The following SPSB1 variants were observed in gnomAD, a reference collection of about 807,000 sequenced individuals.
SPSB1 encodes SPRY domain-containing SOCS box protein 1.
A neutral mutation model predicts 21.2 loss-of-function variants in SPSB1; 8 were observed. The ratio of observed to expected loss-of-function variants is 0.38; its 90% CI spans 0.22 to 0.68. The LOEUF is 0.68. Ranked by LOEUF, SPSB1 falls within the 30% of genes least tolerant of loss-of-function variation. The probability of loss-of-function intolerance (pLI) is 0.53; values close to 1 mark genes in which losing one functional copy is unlikely to be tolerated. For synonymous variants in SPSB1, 169 were observed against 161.7 expected (o/e 1.05, Z -0.34); for missense variants, 242 against 377.8 (o/e 0.64, Z 2.98).
At chr1:9,314,175 C>CAA (rs58276325) in intron 1 of SPSB1, among the ~76,000 whole-genome samples, 5,319 of 138,106 alleles carry the variant, frequency 0.039, 124 homozygotes, top group African/African-American at 0.048. Context: ...GACTCTATCT[C>CAA]AAAAAAAAAA....
intron 1 of SPSB1, among the ~76,000 whole-genome samples, chr1:9,295,674 C>T (rs112042224): frequency 2.0e-5 from 3 of 152,172 alleles, no homozygotes; most frequent in African/African-American, 7.2e-5. Context: ...CCAGCGCTGC[C>T]CTCCCACCCC....
chr1:9,333,944 T>C (rs190595373), intron 1 of SPSB1, among the ~76,000 whole-genome samples: 2 of 152,266 alleles, frequency 1.3e-5, no homozygotes, highest in African/African-American at 4.8e-5. Flanking sequence ...TCCTTCTCAT[T>C]TTTTTGCTTT....
intron 2 of SPSB1, among the ~76,000 whole-genome samples, chr1:9,366,302 G>T (rs548551698): frequency 6.6e-6 from 1 of 152,350 alleles, no homozygotes; most frequent in South Asian, 2.1e-4. Flanking sequence ...GTTTCCTGGG[G>T]CCTGAGCTTG....
intron 1 of SPSB1, among the ~76,000 whole-genome samples, chr1:9,344,279 AAC>A (rs1260107221): frequency 6.6e-6 from 1 of 152,210 alleles, no homozygotes; most frequent in African/African-American, 2.4e-5. Context: ...CAGAAAGTCT[AAC>A]GGGATCAGGA....
intron 2 of SPSB1, among the ~76,000 whole-genome samples, chr1:9,357,272 G>C (rs540561558): frequency 5.5e-5 from 5 of 91,036 alleles, no homozygotes; most frequent in Admixed American, 1.0e-4. Context: ...TGGGTAGATG[G>C]ATGGATGGAT....
chr1:9,308,794 G>A (rs945966109), intron 1 of SPSB1, among the ~76,000 whole-genome samples: 3 of 152,288 alleles, frequency 2.0e-5, no homozygotes, highest in African/African-American at 7.2e-5. Flanking sequence ...GATGCTGGAA[G>A]GTGGGCCTGA....
At chr1:9,314,711 G>C (rs1639581787) in intron 1 of SPSB1, among the ~76,000 whole-genome samples, 1 of 152,198 alleles carries the variant, frequency 6.6e-6, no homozygotes, top group African/African-American at 2.4e-5. Flanking sequence ...TGTCAGACTT[G>C]AATTACCTTA....
intron 1 of SPSB1, among the ~76,000 whole-genome samples, chr1:9,313,236 A>T (rs1443707924): frequency 6.6e-6 from 1 of 151,976 alleles, no homozygotes; most frequent in East Asian, 1.9e-4. Flanking sequence ...GTCTCTACTA[A>T]AAAAATACAA....
intron 1 of SPSB1, among the ~76,000 whole-genome samples, chr1:9,318,318 G>A (rs1167008133): frequency 2.0e-5 from 3 of 152,208 alleles, no homozygotes; most frequent in Admixed American, 1.3e-4. Context: ...TGTTCTCTCC[G>A]GCCTCTGCCT....
chr1:9,350,951 G>C (rs1254873614), intron 1 of SPSB1, among the ~76,000 whole-genome samples: 1 of 152,242 alleles, frequency 6.6e-6, no homozygotes, highest in Non-Finnish European at 1.5e-5. Flanking sequence ...AGGGATGTCT[G>C]TCTTGGTCCA....
rs979990392 is a variant in SPSB1, at chr1:9,293,632, G to T, written c.-150+561G>T. 6.6e-6 allele frequency among the ~76,000 whole-genome samples: 1 copy of T among 152,158 alleles called. No homozygotes were observed. The highest frequency in any genetic ancestry group is 2.4e-5 in the African/African-American group (1 of 41,448). On this transcript the variant is annotated intron_variant, in intron 1 of 2. Coordinates refer to ENST00000328089, the MANE Select transcript of SPSB1 (RefSeq NM_025106.4). The surrounding 1 kb of genome is among the most constrained non-coding windows in gnomAD (Gnocchi z 5.1). ...CCGCCCTCCCCGCCGCCCCGGAGCC[G>T]CCGCGGCTTCTCCCAGCAGCGGAGG... is the stretch of plus-strand genomic sequence containing the variant.
At chr1:9,298,066 T>C (rs1007750118) in intron 1 of SPSB1, among the ~76,000 whole-genome samples, 2 of 152,082 alleles carry the variant, frequency 1.3e-5, no homozygotes, top group Admixed American at 1.3e-4. Flanking sequence ...GCAAGGTGAG[T>C]GTGGTTACCT....
At chr1:9,297,652 G>T (rs948130116) in intron 1 of SPSB1, among the ~76,000 whole-genome samples, 1 of 152,142 alleles carries the variant, frequency 6.6e-6, no homozygotes, top group Non-Finnish European at 1.5e-5. Context: ...AGCTCAGGGG[G>T]TTAAGAAGAG....
chr1:9,348,364 G>A lies in SPSB1; in HGVS notation c.-149-7379G>A, dbSNP rs1429874670. ...AAGCAAACCGTGGCTGTATCCAGAAGGCGCTCTCTGACCACAGGGACCTGC... is the reference window on the plus strand; with the variant it reads ...AAGCAAACCGTGGCTGTATCCAGAAAGCGCTCTCTGACCACAGGGACCTGC... On this transcript the variant is annotated intron_variant, in intron 1 of 2. Coordinates refer to ENST00000328089, the MANE Select transcript of SPSB1 (RefSeq NM_025106.4). This position sits in a 1 kb window ranked among gnomAD's most constrained non-coding sequence, Gnocchi z 4.8. Among the ~76,000 whole-genome samples, 4 of 151,988 alleles carry A rather than the reference G, an allele frequency of 2.6e-5. No individual in the cohort carries two copies. Among genetic ancestry groups the A allele is most frequent in the African/African-American group, 9.7e-5 (4 of 41,364 alleles).
At chr1:9,328,035 C>T (rs1048118238) in intron 1 of SPSB1, among the ~76,000 whole-genome samples, 3 of 152,192 alleles carry the variant, frequency 2.0e-5, no homozygotes, top group South Asian at 2.1e-4. Context: ...GGGAGGATTT[C>T]GAGGGCCATG....
intron 1 of SPSB1, among the ~76,000 whole-genome samples, chr1:9,328,465 C>T (rs1034941712): frequency 6.6e-6 from 1 of 152,232 alleles, no homozygotes; most frequent in Non-Finnish European, 1.5e-5. Context: ...CCAGCTCAGA[C>T]ATGATTTCAA....
intron 2 of SPSB1, among the ~76,000 whole-genome samples, chr1:9,364,222 A>G (rs1212481978): frequency 6.6e-6 from 1 of 152,172 alleles, no homozygotes; most frequent in Non-Finnish European, 1.5e-5. Flanking sequence ...GGCAGCCCAG[A>G]CCCCTTGGCC....
At chr1:9,357,277 ATGGATGGATGAG>A in intron 2 of SPSB1, among the ~76,000 whole-genome samples, 1 of 151,944 alleles carries the variant, frequency 6.6e-6, no homozygotes, top group East Asian at 1.9e-4. Context: ...AGATGGATGG[ATGGATGGATGAG>A]TGGGTGGATG....
intron 1 of SPSB1, among the ~76,000 whole-genome samples, chr1:9,308,373 A>G (rs78998002): frequency 0.014 from 2,070 of 152,292 alleles, 44 homozygotes; most frequent in African/African-American, 0.047. Context: ...CCCCGGAGCC[A>G]CGGTGCCCTG....
Sources: allele counts gnomAD v4.1 joint callset (sites outside exome capture counted in the v4.1 genomes callset), GRCh38; gene constraint gnomAD v4.1.1; non-coding constraint Gnocchi (gnomAD v3.1); transcripts MANE v1.5; gene names NCBI Gene and HGNC (gene_info 2026-07-23, HGNC 2026-07-21).